The following FAM13C variants were observed in gnomAD, a reference collection of about 807,000 sequenced individuals.
The protein encoded by FAM13C is protein FAM13C.
A neutral mutation model predicts 73.2 loss-of-function variants in FAM13C; 37 were observed. That is an observed-to-expected ratio of 0.51 (90% CI 0.39 to 0.67). The LOEUF is 0.67. FAM13C is among the 30% of genes least tolerant of loss of function. FAM13C has a pLI of 0.00. For synonymous variants in FAM13C, 246 were observed against 260.9 expected (o/e 0.94, Z 0.55); for missense variants, 589 against 715.6 (o/e 0.82, Z 2.02).
intron 2 of FAM13C, 55 bp from the exon 3 acceptor site, chr10:59,352,529 G>A: frequency 6.7e-7 from 1 of 1,488,514 alleles, no homozygotes; most frequent in Non-Finnish European, 9.0e-7. Flanking sequence ...TGAATAAACT[G>A]CTGCAGGAAA....
intron 4 of FAM13C, 125 bp from the exon 5 acceptor site, chr10:59,302,989 G>A (rs1486965723): frequency 3.9e-6 from 3 of 762,542 alleles, no homozygotes; most frequent in Non-Finnish European, 6.4e-6. Flanking sequence ...CCCACTGCCT[G>A]TAGAATAAAA....
chr10:59,318,304 T>A (rs565723156), intron 4 of FAM13C, among the ~76,000 whole-genome samples: 61 of 152,204 alleles, frequency 4.0e-4, no homozygotes, highest in African/African-American at 1.3e-3. Context: ...AAATTTCATT[T>A]CCAAAATAAT....
chr10:59,320,705 G>A (rs1387728657), intron 4 of FAM13C, among the ~76,000 whole-genome samples: 2 of 152,234 alleles, frequency 1.3e-5, no homozygotes, highest in African/African-American at 4.8e-5. Context: ...TGCAGAAACA[G>A]CCGGATTCGT....
chr10:59,277,972 T>C (rs1844505097), intron 6 of FAM13C, among the ~76,000 whole-genome samples: 1 of 152,172 alleles, frequency 6.6e-6, no homozygotes. Flanking sequence ...TACCCAAGAC[T>C]GGGCAATTCG....
intron 8 of FAM13C, 131 bp from the exon 9 acceptor site, chr10:59,264,297 G>A: frequency 1.6e-6 from 1 of 639,100 alleles, no homozygotes; most frequent in Middle Eastern, 3.1e-4. Context: ...AATATATAAA[G>A]CTGGGAGAGA....
intron 8 of FAM13C, among the ~76,000 whole-genome samples, chr10:59,264,767 T>C (rs1842852952): frequency 6.6e-6 from 1 of 152,164 alleles, no homozygotes; most frequent in South Asian, 2.1e-4. Flanking sequence ...CACGGATTTC[T>C]AATATCTTCA....
At chr10:59,248,154 C>T (rs1020505303) in intron 13 of FAM13C, among the ~76,000 whole-genome samples, 4 of 152,122 alleles carry the variant, frequency 2.6e-5, no homozygotes, top group African/African-American at 9.7e-5. Flanking sequence ...CCTGAAAATA[C>T]TACAGGAATT....
chr10:59,307,487 A>C lies in FAM13C; in HGVS notation c.444-4623T>G, dbSNP rs565275475. On this transcript the variant is annotated intron_variant, in intron 4 of 13. Coordinates refer to ENST00000618804, the MANE Select transcript of FAM13C (RefSeq NM_198215.4). ...ATTTTATTTAATCATCAAGGTCATC[A>C]TATGAGACTAGCATTATTATATCTA... Among the ~76,000 whole-genome samples the C allele has an allele frequency of 2.6e-5, 4 of 152,332 alleles. No individual in the cohort carries two copies. The South Asian group carries it at 8.3e-4, about 32-fold the overall frequency.
intron 3 of FAM13C, among the ~76,000 whole-genome samples, chr10:59,349,274 T>C (rs528704709): frequency 6.6e-4 from 101 of 152,324 alleles, no homozygotes; most frequent in African/African-American, 2.4e-3. Context: ...ACAGTTTGTG[T>C]CTTTGGCAAA....
chr10:59,358,308 G>A (rs11006449), intron 1 of FAM13C, among the ~76,000 whole-genome samples: 15,067 of 152,172 alleles, frequency 0.099, 1,109 homozygotes, highest in African/African-American at 0.21. Flanking sequence ...AACTTGGGAG[G>A]TGGAGGCTGT....
At chr10:59,360,562 G>A (rs1856269020) in intron 1 of FAM13C, among the ~76,000 whole-genome samples, 1 of 152,090 alleles carries the variant, frequency 6.6e-6, no homozygotes, top group African/African-American at 2.4e-5. Flanking sequence ...CACGGGATAT[G>A]GGTCATATTA....
At chr10:59,348,193 G>T (rs900911710) in intron 3 of FAM13C, among the ~76,000 whole-genome samples, 6 of 152,108 alleles carry the variant, frequency 3.9e-5, no homozygotes, top group Non-Finnish European at 7.4e-5. Flanking sequence ...TGCCCATAGG[G>T]CCTTTATAAG....
chr10:59,285,620 G>A (rs1377999473), intron 5 of FAM13C, among the ~76,000 whole-genome samples: 1 of 152,152 alleles, frequency 6.6e-6, no homozygotes, highest in Admixed American at 6.5e-5. Context: ...TTGGAAGCAG[G>A]GACTTGAACA....
chr10:59,271,477 C>T (rs1302364958), intron 6 of FAM13C, among the ~76,000 whole-genome samples: 1 of 152,154 alleles, frequency 6.6e-6, no homozygotes, highest in Non-Finnish European at 1.5e-5. Context: ...ACAGCACTGT[C>T]GGTGGCTGAG....
At chr10:59,319,345 T>G (rs953443523) in intron 4 of FAM13C, among the ~76,000 whole-genome samples, 1 of 152,228 alleles carries the variant, frequency 6.6e-6, no homozygotes, top group African/African-American at 2.4e-5. Flanking sequence ...GAACTTACAA[T>G]GTAACCACCA....
At chr10:59,299,610 A>C (rs1454883617) in intron 5 of FAM13C, among the ~76,000 whole-genome samples, 1 of 152,194 alleles carries the variant, frequency 6.6e-6, no homozygotes, top group African/African-American at 2.4e-5. Context: ...ATCTACAAGC[A>C]TACAGAGAGT....
chr10:59,294,479 T>A (rs952529479), intron 5 of FAM13C, among the ~76,000 whole-genome samples: 1 of 152,140 alleles, frequency 6.6e-6, no homozygotes, highest in African/African-American at 2.4e-5. Context: ...CCAAGGCAGT[T>A]CCCAGACAAG....
intron 8 of FAM13C, among the ~76,000 whole-genome samples, chr10:59,264,836 A>T (rs1842861189): frequency 6.6e-6 from 1 of 152,178 alleles, no homozygotes; most frequent in Non-Finnish European, 1.5e-5. Flanking sequence ...AACTGATCTT[A>T]AACAAGTCAA....
intron 1 of FAM13C, among the ~76,000 whole-genome samples, chr10:59,356,940 T>C (rs1368316190): frequency 6.6e-6 from 1 of 152,208 alleles, no homozygotes; most frequent in African/African-American, 2.4e-5. Flanking sequence ...ATCTTCCTCT[T>C]GTGCTGGATG....
Sources: allele counts gnomAD v4.1 joint callset (sites outside exome capture counted in the v4.1 genomes callset), GRCh38; gene constraint gnomAD v4.1.1; transcripts MANE v1.5; gene names NCBI Gene and HGNC (gene_info 2026-07-23, HGNC 2026-07-21).